Variants in PIWIL3 observed in about 807,000 individuals in gnomAD.
The protein encoded by PIWIL3 is piwi-like protein 3.
Under a neutral mutation model 109.7 loss-of-function variants are expected in PIWIL3, and 101 were observed. That is an observed-to-expected ratio of 0.92 (90% CI 0.78 to 1.09). The LOEUF is 1.09. PIWIL3 is among the 50% of genes least tolerant of loss of function. The pLI, the probability that PIWIL3 is intolerant of heterozygous loss-of-function variation, is 0.00. For synonymous variants in PIWIL3, 373 were observed against 376.4 expected, an observed-to-expected ratio of 0.99 and a Z score of 0.10; for missense variants, 1,031 against 1,072.6, an observed-to-expected ratio of 0.96 and a Z score of 0.54.
rs781034224 is a variant in PIWIL3 at position 24,759,952 on chromosome 22, G to A, written c.140C>T (p.Pro47Leu). Residue 47 changes from proline (P) to leucine (L), a missense_variant, in exon 3 of 21, where the codon CCG (proline) becomes CTG (leucine). By Grantham distance (98) the Pro-to-Leu change is moderately conservative. Transcript: ENST00000616349. ...AACCACTGGGACTTCCTCCTGCAGCGGCCGGGGTGTCGACTGCAACTGAGG... is the reference window on the plus strand; with the variant it reads ...AACCACTGGGACTTCCTCCTGCAGCAGCCGGGGTGTCGACTGCAACTGAGG... ...EPPQLQSTPR[P>L]LQEEVPVVRP... 15 of 1,613,986 alleles carry A rather than the reference G, an allele frequency of 9.3e-6. No individual in the cohort carries two copies. The highest frequency in any genetic ancestry group is 1.6e-4 in the Middle Eastern group (1 of 6,084).
intron 14 of PIWIL3, among the ~76,000 whole-genome samples, chr22:24,728,626 G>A (rs1319278118): frequency 6.6e-6 from 1 of 152,122 alleles, no homozygotes; most frequent in Non-Finnish European, 1.5e-5. Context: ...TGAATGTGTA[G>A]AAGAAACAAA....
At chr22:24,744,687 G>A (rs547144884) in intron 12 of PIWIL3, among the ~76,000 whole-genome samples, 6 of 152,326 alleles carry the variant, frequency 3.9e-5, no homozygotes, top group African/African-American at 1.2e-4. Context: ...AATTCAGCAA[G>A]AGGATATGAC....
At chr22:24,729,358 G>C (rs1285356793) in intron 14 of PIWIL3, among the ~76,000 whole-genome samples, 1 of 152,014 alleles carries the variant, frequency 6.6e-6, no homozygotes, top group South Asian at 2.1e-4. Context: ...ACGACGAGAC[G>C]GTTTCATTGA....
At chr22:24,723,054 G>A (rs1922769093) in intron 19 of PIWIL3, 76 bp downstream of exon 19, 1 of 1,482,842 alleles carries the variant, frequency 6.7e-7, no homozygotes, top group Non-Finnish European at 9.3e-7. Context: ...AAAGTTATTG[G>A]AATTAAGTGA....
chr22:24,725,473 A>C lies in PIWIL3; in HGVS notation c.2052T>G (p.Leu684=). 1 of 1,614,060 alleles carries C rather than the reference A, an allele frequency of 6.2e-7. No individual in the cohort carries two copies. The highest frequency in any genetic ancestry group is 2.2e-5 in the East Asian group (1 of 44,894). ...QCVIQKTGEE[L]VKELEICLKA... ...TCAAGCAGATCTCCAGCTCTTTCAC[A>C]AGCTCTTCTCCTGTTTTCTGGATGA... Residue 684 remains leucine (L), a synonymous_variant, in exon 17 of 21, where the codon CTT becomes CTG. Transcript: ENST00000616349.
At position 24,756,633 on chromosome 22, in the gene PIWIL3, T is replaced by C; in HGVS notation, c.428A>G (p.Tyr143Cys). 1 of 1,614,052 alleles carries C rather than the reference T, an allele frequency of 6.2e-7. No homozygotes were observed. Among genetic ancestry groups the C allele is most frequent in the Non-Finnish European group, 8.5e-7 (1 of 1,179,922 alleles). Residue 143 changes from tyrosine (Y) to cysteine (C), a missense_variant, in exon 5 of 21, where the codon TAT becomes TGT. Tyr to Cys is a radical substitution (Grantham distance 194). Transcript: ENST00000616349. ...TGGTTTGTAGTCAACGTTGTATTTA[T>C]ATGCAACCCACTGAGGACGAGATAT... is the stretch of plus-strand genomic sequence containing the variant. ...RVISRPQWVA[Y>C]KYNVDYKPDI...
rs79977070 is a variant in PIWIL3 at position 24,721,499 on chromosome 22, T to C, written c.2358-1604A>G. Among the ~76,000 whole-genome samples, 426 of 152,362 alleles carry C rather than the reference T, an allele frequency of 2.8e-3. 4 individuals carry two copies. The highest frequency in any genetic ancestry group is 9.6e-3 in the African/African-American group (398 of 41,588). Reference sequence around the variant, plus strand: ...CTTATCTACTACTGAAACTTCTATTTGGTATAGAGCAAATCTTATTTTGCC... The same window carrying C: ...CTTATCTACTACTGAAACTTCTATTCGGTATAGAGCAAATCTTATTTTGCC... On this transcript the variant is annotated intron_variant, in intron 19 of 20. Transcript: ENST00000616349.
At chr22:24,739,875 C>G (rs1401044852) in intron 12 of PIWIL3, among the ~76,000 whole-genome samples, 1 of 151,682 alleles carries the variant, frequency 6.6e-6, no homozygotes, top group Non-Finnish European at 1.5e-5. Flanking sequence ...ACAGTGAAAC[C>G]CCATCTCTAC....
At chr22:24,773,120 T>C (rs1040573504) in intron 1 of PIWIL3, among the ~76,000 whole-genome samples, 8 of 152,148 alleles carry the variant, frequency 5.3e-5, no homozygotes, top group African/African-American at 1.9e-4. Context: ...AACCAAGGTG[T>C]CCTCCACTGC....
chr22:24,760,414 G>C (rs958809360), intron 2 of PIWIL3, among the ~76,000 whole-genome samples: 1 of 152,238 alleles, frequency 6.6e-6, no homozygotes, highest in South Asian at 2.1e-4. Flanking sequence ...AGTGTGGCTG[G>C]AAGAAGAGGG....
intron 14 of PIWIL3, among the ~76,000 whole-genome samples, chr22:24,732,551 C>T (rs1033401114): frequency 2.4e-4 from 37 of 152,206 alleles, no homozygotes; most frequent in African/African-American, 7.7e-4. Flanking sequence ...AGGCCGGGTG[C>T]GGTGGCTCAC....
At chr22:24,738,692 A>G (rs1462970978) in intron 12 of PIWIL3, among the ~76,000 whole-genome samples, 1 of 152,258 alleles carries the variant, frequency 6.6e-6, no homozygotes, top group East Asian at 1.9e-4. Flanking sequence ...TGATGCAGAT[A>G]TGACTTAGAT....
At chr22:24,760,015 A>G in intron 2 of PIWIL3, 26 bp from the exon 3 acceptor site, 3 of 1,613,160 alleles carry the variant, frequency 1.9e-6, no homozygotes, top group Non-Finnish European at 2.5e-6. Flanking sequence ...AATAGAAATA[A>G]TGAGCAGTGC....
chr22:24,749,117 A>C (rs1924550317), intron 11 of PIWIL3, 96 bp from the exon 12 acceptor site: 1 of 1,017,564 alleles, frequency 9.8e-7, no homozygotes, highest in African/African-American at 1.6e-5. Context: ...AAGGTTCACC[A>C]TCACTTGTCC....
chr22:24,735,071 T>C (rs560638854), intron 13 of PIWIL3, among the ~76,000 whole-genome samples: 2 of 151,952 alleles, frequency 1.3e-5, no homozygotes, highest in African/African-American at 2.4e-5. Flanking sequence ...ATAAATAAAT[T>C]AGTGGTCCTC....
chr22:24,751,550 C>G, intron 8 of PIWIL3, 52 bp from the exon 9 acceptor site: 1 of 1,576,004 alleles, frequency 6.3e-7, no homozygotes, highest in Non-Finnish European at 8.6e-7. Flanking sequence ...CACATGGAAC[C>G]ATCCACACAG....
At position 24,754,827 on chromosome 22, in the gene PIWIL3, T is replaced by C. The variant is rs1924927705; in HGVS notation, c.730A>G (p.Asn244Asp). 6.2e-7 allele frequency: 1 copy of C among 1,613,054 alleles called. No individual in the cohort carries two copies. Among genetic ancestry groups the C allele is most frequent in the African/African-American group, 1.3e-5 (1 of 74,876 alleles). ...KLLDFEQVGR[N>D]YYTKKKAIQL... ...ATGGCCTTCTTTTTGGTATAATAGT[T>C]GCGACCAACTTGTTCAAAATCCAGC... The change falls in exon 7 of 21, where the codon AAC becomes GAC. Residue 244 changes from asparagine to aspartate, a missense_variant. Transcript: ENST00000616349.
chr22:24,755,014 G>C (rs1455239281), intron 6 of PIWIL3, 150 bp from the exon 7 acceptor site: 2 of 635,724 alleles, frequency 3.1e-6, no homozygotes, highest in Non-Finnish European at 5.6e-6. Context: ...TGATGAGGTG[G>C]ATATTAAGGT....
At chr22:24,738,809 C>A (rs975624513) in intron 12 of PIWIL3, among the ~76,000 whole-genome samples, 3 of 152,090 alleles carry the variant, frequency 2.0e-5, no homozygotes, top group African/African-American at 7.2e-5. Flanking sequence ...TTTCAATGCC[C>A]AAACACTCAT....
Sources: allele counts gnomAD v4.1 joint callset (sites outside exome capture counted in the v4.1 genomes callset), GRCh38; gene constraint gnomAD v4.1.1; transcripts MANE v1.5; gene names NCBI Gene and HGNC (gene_info 2026-07-23, HGNC 2026-07-21).